Variants in SBF2 observed in about 807,000 individuals in gnomAD.
SBF2 encodes the protein myotubularin-related protein 13.
SBF2 carries 112 observed loss-of-function variants against 225.2 expected under a neutral mutation model. That is an observed-to-expected ratio of 0.50 (90% confidence interval 0.43 to 0.58). The LOEUF (loss-of-function observed/expected upper bound fraction) is 0.58, where lower values mean the gene tolerates loss of function less well. SBF2 is among the 20% of genes least tolerant of loss of function. SBF2 has a pLI of 0.00. For synonymous variants in SBF2, 763 were observed against 773.3 expected (o/e 0.99, Z 0.22); for missense variants, 1,996 against 2,206.2 (o/e 0.90, Z 1.91).
chr11:9,990,407 C>A (rs1197920759), intron 12 of SBF2, among the ~76,000 whole-genome samples: 1 of 152,162 alleles, frequency 6.6e-6, no homozygotes, highest in Non-Finnish European at 1.5e-5. Context: ...CTCTCAAAGC[C>A]CCCATAACAC....
At chr11:10,237,325 C>T (rs545697511) in intron 1 of SBF2, among the ~76,000 whole-genome samples, 1 of 152,198 alleles carries the variant, frequency 6.6e-6, no homozygotes, top group Admixed American at 6.5e-5. Flanking sequence ...CCAGCCTGAG[C>T]AACACAGCGA....
intron 2 of SBF2, among the ~76,000 whole-genome samples, chr11:10,082,591 C>T (rs1951409541): frequency 6.6e-6 from 1 of 152,046 alleles, no homozygotes; most frequent in African/African-American, 2.4e-5. Context: ...ATATGCAAAT[C>T]AATAAATGTG....
chr11:10,190,950 T>C (rs764354918), intron 2 of SBF2, among the ~76,000 whole-genome samples: 37 of 152,326 alleles, frequency 2.4e-4, no homozygotes, highest in Non-Finnish European at 5.0e-4. Flanking sequence ...AGATCAGGGT[T>C]TGAATCCTAG....
chr11:9,798,079 A>C (rs1455097573), intron 32 of SBF2, among the ~76,000 whole-genome samples: 1 of 152,140 alleles, frequency 6.6e-6, no homozygotes, highest in African/African-American at 2.4e-5. Flanking sequence ...TCAATATTAA[A>C]AAATCTTTTA....
rs143439179 is a variant in SBF2 at position 9,795,975 on chromosome 11, A to C, written c.4444-18T>G. 526 of 1,611,484 alleles carry C rather than the reference A, an allele frequency of 3.3e-4. 5 individuals carry two copies. The East Asian group carries it at 8.6e-3, about 26-fold the overall frequency. On this transcript the variant is annotated intron_variant, in intron 32 of 39. Transcript: ENST00000256190. Reference sequence around the variant, plus strand: ...TTGTGAACCTGAAACACACAAGGCAAAGAAAAGAGTAAGAATCAAACAGAA... The same window carrying C: ...TTGTGAACCTGAAACACACAAGGCACAGAAAAGAGTAAGAATCAAACAGAA...
At chr11:10,133,075 T>A (rs1448055513) in intron 2 of SBF2, among the ~76,000 whole-genome samples, 1 of 144,516 alleles carries the variant, frequency 6.9e-6, no homozygotes, top group African/African-American at 2.6e-5. Flanking sequence ...GAGCTAGACA[T>A]AAAGGTTCTC....
intron 32 of SBF2, among the ~76,000 whole-genome samples, chr11:9,800,252 GGTT>G (rs2133881558): frequency 6.6e-6 from 1 of 151,720 alleles, no homozygotes; most frequent in African/African-American, 2.4e-5. Flanking sequence ...AAAAAAAAAA[GGTT>G]GTTTTCTTAT....
At chr11:9,897,799 G>C (rs1380104683) in intron 16 of SBF2, among the ~76,000 whole-genome samples, 1 of 152,194 alleles carries the variant, frequency 6.6e-6, no homozygotes, top group Non-Finnish European at 1.5e-5. Context: ...TTCCAGACTA[G>C]AGAAAAGAGG....
intron 16 of SBF2, among the ~76,000 whole-genome samples, chr11:9,919,270 CTTTT>C (rs779718076): frequency 7.1e-6 from 1 of 139,912 alleles, no homozygotes; most frequent in Non-Finnish European, 1.5e-5. Context: ...TCTTCTTCTT[CTTTT>C]TTTTTTTTGA....
chr11:10,112,209 A>G (rs1036620130), intron 2 of SBF2, among the ~76,000 whole-genome samples: 2 of 152,196 alleles, frequency 1.3e-5, no homozygotes, highest in African/African-American at 4.8e-5. Flanking sequence ...TAAAGAGGGC[A>G]CTTACCACCT....
chr11:9,994,192 C>T (rs139841757), intron 9 of SBF2, among the ~76,000 whole-genome samples, 194 bp from the exon 10 acceptor site: 7 of 152,096 alleles, frequency 4.6e-5, no homozygotes, highest in East Asian at 1.9e-4. Flanking sequence ...GAAACATGTT[C>T]GGCCGGGCGC....
At chr11:9,782,507 ATT>A (rs2133843874) in intron 38 of SBF2, among the ~76,000 whole-genome samples, 1 of 152,340 alleles carries the variant, frequency 6.6e-6, no homozygotes, top group South Asian at 2.1e-4. Flanking sequence ...TGTGAATATA[ATT>A]TGTTAGAAAT....
At chr11:10,300,451 A>G (rs550100625) in intron 1 of SBF2, among the ~76,000 whole-genome samples, 11 of 152,212 alleles carry the variant, frequency 7.2e-5, no homozygotes, top group Non-Finnish European at 1.5e-4. Context: ...GGATCTCTTG[A>G]GATCAGGAGT....
rs371420354 is a variant in SBF2, at chr11:10,214,249, C to T, written c.56-20262G>A. On this transcript the variant is annotated intron_variant, in intron 1 of 39. Transcript: ENST00000256190. ...CAGTTCTGATAACTAAAAAATGTCACCAGACATTTCTAAATACGCCTTGGA... is the reference window on the plus strand; with the variant it reads ...CAGTTCTGATAACTAAAAAATGTCATCAGACATTTCTAAATACGCCTTGGA... Among the ~76,000 whole-genome samples the T allele has an allele frequency of 2.2e-4, 33 of 152,252 alleles. No homozygotes were observed. In the South Asian group the frequency reaches 6.6e-3, roughly 31 times the overall value.
At chr11:10,014,194 C>T (rs1948558824) in intron 6 of SBF2, among the ~76,000 whole-genome samples, 1 of 152,100 alleles carries the variant, frequency 6.6e-6, no homozygotes, top group African/African-American at 2.4e-5. Context: ...ATCATTTCTA[C>T]TGGGGTGACT....
rs1276410945 is a variant in SBF2, at chr11:9,832,328, A to G, written c.3548T>C (p.Val1183Ala). The G allele has an allele frequency of 6.2e-7, 1 of 1,614,076 alleles. No homozygotes were observed. Among genetic ancestry groups the G allele is most frequent in the East Asian group, 2.2e-5 (1 of 44,872 alleles). ...ACCACTTCTTGAGTTCTTCCAACAT[A>G]CAACAGGCAGGCGATTGTGTCGATA... ...RCYRHNRLPV[V>A]CWKNSRSGTL... The change falls in exon 27 of 40, where the codon GTA becomes GCA. Residue 1183 changes from valine to alanine, a missense_variant. Coordinates refer to ENST00000256190, the MANE Select transcript of SBF2 (RefSeq NM_030962.4).
chr11:9,971,125 C>T (rs1867300284), intron 13 of SBF2, among the ~76,000 whole-genome samples: 2 of 151,544 alleles, frequency 1.3e-5, no homozygotes, highest in South Asian at 4.2e-4. Context: ...TCATATGGAT[C>T]TTGAGGTCTG....
chr11:10,118,392 T>C (rs1953268462), intron 2 of SBF2, among the ~76,000 whole-genome samples: 1 of 152,150 alleles, frequency 6.6e-6, no homozygotes, highest in Non-Finnish European at 1.5e-5. Context: ...AGCATACATA[T>C]ATGTAAGTCT....
intron 30 of SBF2, among the ~76,000 whole-genome samples, chr11:9,812,316 G>A (rs1016958098): frequency 2.0e-5 from 3 of 152,098 alleles, no homozygotes; most frequent in African/African-American, 7.2e-5. Flanking sequence ...TAAATACACA[G>A]AGATAAAAAC....
Sources: allele counts gnomAD v4.1 joint callset (sites outside exome capture counted in the v4.1 genomes callset), GRCh38; gene constraint gnomAD v4.1.1; transcripts MANE v1.5; gene names NCBI Gene and HGNC (gene_info 2026-07-23, HGNC 2026-07-21).